RTN4RL1: variants seen among roughly 807,000 people sequenced by gnomAD.
The protein encoded by RTN4RL1 is reticulon-4 receptor-like 1.
A neutral mutation model predicts 25.6 loss-of-function variants in RTN4RL1; 7 were observed. The ratio of observed to expected loss-of-function variants is 0.27; its 90% CI spans 0.16 to 0.51. RTN4RL1 has a LOEUF of 0.51. Ranked by LOEUF, RTN4RL1 falls within the 20% of genes least tolerant of loss-of-function variation. The probability of loss-of-function intolerance (pLI) is 0.97; values close to 1 mark genes in which losing one functional copy is unlikely to be tolerated. For missense variants in RTN4RL1, 500 were observed against 615.6 expected (o/e 0.81, Z 1.99); for synonymous variants, 297 against 288.2 (o/e 1.03, Z -0.31).
intron 1 of RTN4RL1, among the ~76,000 whole-genome samples, chr17:1,941,677 A>G (rs1157077045): frequency 1.3e-5 from 2 of 151,968 alleles, no homozygotes; most frequent in Non-Finnish European, 2.9e-5. Flanking sequence ...GACCCACCCC[A>G]GGGAAGCTGT....
chr17:1,992,606 T>A (rs1201955960), intron 1 of RTN4RL1, among the ~76,000 whole-genome samples: 1 of 152,196 alleles, frequency 6.6e-6, no homozygotes. Flanking sequence ...AGGGAGCCTG[T>A]CTCGCGGGTG....
intron 1 of RTN4RL1, among the ~76,000 whole-genome samples, chr17:2,024,013 C>A (rs1042375594): frequency 3.9e-5 from 6 of 152,124 alleles, no homozygotes; most frequent in Non-Finnish European, 8.8e-5. Context: ...GGTGGCGGGG[C>A]CCGTGGGCTC....
intron 1 of RTN4RL1, among the ~76,000 whole-genome samples, chr17:1,975,307 G>C (rs1381519188): frequency 6.6e-6 from 1 of 152,140 alleles, no homozygotes; most frequent in Non-Finnish European, 1.5e-5. Flanking sequence ...TAGTAAAAGG[G>C]TTTCAATGAA....
At position 1,997,768 on chromosome 17, in the gene RTN4RL1, A is replaced by G. The variant is rs1368594004; in HGVS notation, c.13+27085T>C. Among the ~76,000 whole-genome samples the G allele has an allele frequency of 2.6e-5, 4 of 152,250 alleles. No individual in the cohort carries two copies. In the South Asian group the frequency reaches 6.2e-4, roughly 24 times the overall value. On this transcript the variant is annotated intron_variant, in intron 1 of 1. Coordinates refer to ENST00000331238, the MANE Select transcript of RTN4RL1 (RefSeq NM_178568.4). The stretch of plus-strand genomic sequence containing the variant: ...AAGCCCCTGCTGGCTTTAAACCACT[A>G]GGACTCGGAGGTCAGGCCTGAGCCG...
At chr17:1,941,609 G>A (rs961597313) in intron 1 of RTN4RL1, among the ~76,000 whole-genome samples, 4 of 152,146 alleles carry the variant, frequency 2.6e-5, no homozygotes, top group Non-Finnish European at 5.9e-5. Context: ...CAGGCGGTGG[G>A]GGGGGATCCG....
At position 1,936,696 on chromosome 17, in the gene RTN4RL1, C is replaced by T. The variant is rs779236623; in HGVS notation, c.1126G>A (p.Glu376Lys). 1.0e-5 allele frequency: 16 copies of T among 1,583,036 alleles called. No homozygotes were observed. The highest frequency in any genetic ancestry group is 8.2e-5 in the South Asian group (7 of 85,586). ...SKAGAGKQAP[E>K]LPDYAPDYQH... ...TAGTCTGGGGCATAGTCTGGCAGCT[C>T]GGGGGCCTGTTTCCCGGCGCCCGCC... The change falls in exon 2 of 2, where the codon GAG (glutamate) becomes AAG (lysine). Residue 376 changes from glutamate (E) to lysine (K), a missense_variant. By Grantham distance (56) the Glu-to-Lys change is moderately conservative. Transcript: ENST00000331238.
intron 1 of RTN4RL1, among the ~76,000 whole-genome samples, chr17:1,947,032 ATG>A (rs1306499380): frequency 1.9e-3 from 83 of 44,302 alleles, no homozygotes; most frequent in Admixed American, 0.014. Flanking sequence ...GTGTGTGCAC[ATG>A]TGTCTGTGTG....
chr17:1,996,632 T>C (rs1319523377), intron 1 of RTN4RL1, among the ~76,000 whole-genome samples: 4 of 152,242 alleles, frequency 2.6e-5, no homozygotes, highest in African/African-American at 9.6e-5. Flanking sequence ...TGTTTGCTGT[T>C]TTCTCCAATG....
intron 1 of RTN4RL1, among the ~76,000 whole-genome samples, chr17:1,950,029 G>T (rs143040579): frequency 6.6e-6 from 1 of 152,216 alleles, no homozygotes; most frequent in Non-Finnish European, 1.5e-5. Flanking sequence ...GCCAGGCCTC[G>T]TATGGCCTGA....
chr17:1,999,864 G>A (rs1184032912), intron 1 of RTN4RL1, among the ~76,000 whole-genome samples: 1 of 152,250 alleles, frequency 6.6e-6, no homozygotes, highest in Non-Finnish European at 1.5e-5. Flanking sequence ...TCACGGCCTT[G>A]CCTCTTCTCG....
intron 1 of RTN4RL1, among the ~76,000 whole-genome samples, chr17:1,956,348 G>A (rs1008127997): frequency 6.6e-6 from 1 of 151,984 alleles, no homozygotes. Context: ...TCATCAGTGG[G>A]GGTGTGAAGC....
chr17:1,988,417 A>AAG (rs1555519893), intron 1 of RTN4RL1, among the ~76,000 whole-genome samples: 3 of 148,456 alleles, frequency 2.0e-5, no homozygotes, highest in East Asian at 3.9e-4. Flanking sequence ...AAAAAAAAAA[A>AAG]AAAAGAAAAG....
At chr17:1,978,167 G>A (rs1166100389) in intron 1 of RTN4RL1, among the ~76,000 whole-genome samples, 8 of 152,208 alleles carry the variant, frequency 5.3e-5, no homozygotes, top group Admixed American at 5.2e-4. Context: ...GCCCTGCTGG[G>A]CTGCATTTAA....
intron 1 of RTN4RL1, among the ~76,000 whole-genome samples, chr17:1,997,852 A>AC (rs1342049143): frequency 1.3e-5 from 2 of 151,586 alleles, no homozygotes; most frequent in Non-Finnish European, 2.9e-5. Context: ...ATCCCCGCAG[A>AC]CCCCCGACCC....
chr17:1,959,812 C>T (rs1915860772), intron 1 of RTN4RL1, among the ~76,000 whole-genome samples: 1 of 152,222 alleles, frequency 6.6e-6, no homozygotes, highest in Non-Finnish European at 1.5e-5. Flanking sequence ...ATCCACCCAC[C>T]TCGGCCTCCC....
chr17:1,994,964 C>T lies in RTN4RL1; in HGVS notation c.13+29889G>A, dbSNP rs191941335. Among the ~76,000 whole-genome samples the T allele has an allele frequency of 1.5e-4, 23 of 151,574 alleles. No homozygotes were observed. The highest frequency in any genetic ancestry group is 1.2e-3 in the Admixed American group (18 of 15,240). On this transcript the variant is annotated intron_variant, in intron 1 of 1. Coordinates refer to ENST00000331238, the MANE Select transcript of RTN4RL1 (RefSeq NM_178568.4). The surrounding 1 kb of genome is among the most constrained non-coding windows in gnomAD (Gnocchi z 4.3). The stretch of plus-strand genomic sequence containing the variant: ...AAAAAAAAATCATGAAATGAGATGA[C>T]AGAGGCTGTCAACAGATGGCCAGAA...
intron 1 of RTN4RL1, among the ~76,000 whole-genome samples, chr17:1,972,547 C>T (rs1328953230): frequency 6.6e-6 from 1 of 152,084 alleles, no homozygotes; most frequent in Non-Finnish European, 1.5e-5. Context: ...TCCCCTGCAA[C>T]GCCCTCTCTA....
At chr17:1,972,915 G>A (rs1046213821) in intron 1 of RTN4RL1, among the ~76,000 whole-genome samples, 4 of 152,216 alleles carry the variant, frequency 2.6e-5, no homozygotes, top group Non-Finnish European at 5.9e-5. Flanking sequence ...TCTCCTCTCT[G>A]CAGATGAAGC....
chr17:1,954,274 A>G (rs894185546), intron 1 of RTN4RL1, among the ~76,000 whole-genome samples: 1 of 152,030 alleles, frequency 6.6e-6, no homozygotes. Flanking sequence ...TCTAACTTAC[A>G]TACTGGGCAA....
Sources: allele counts gnomAD v4.1 joint callset (sites outside exome capture counted in the v4.1 genomes callset), GRCh38; gene constraint gnomAD v4.1.1; non-coding constraint Gnocchi (gnomAD v3.1); transcripts MANE v1.5; gene names NCBI Gene and HGNC (gene_info 2026-07-23, HGNC 2026-07-21).